The following GPC6 variants were observed in gnomAD, a reference collection of about 807,000 sequenced individuals.
GPC6 encodes glypican 6.
A neutral mutation model predicts 55.2 loss-of-function variants in GPC6; 14 were observed. The observed-to-expected ratio is 0.25, with a 90% CI of 0.17 to 0.40. The LOEUF is 0.40. Ranked by LOEUF, GPC6 falls within the 10% of genes least tolerant of loss-of-function variation. GPC6 has a pLI of 1.00. For missense variants in GPC6, 641 were observed against 708.5 expected (o/e 0.90, Z 1.08); for synonymous variants, 278 against 259.6 (o/e 1.07, Z -0.68).
intron 2 of GPC6, among the ~76,000 whole-genome samples, chr13:93,769,595 T>C (rs1211979091): frequency 6.6e-6 from 1 of 152,174 alleles, no homozygotes; most frequent in East Asian, 1.9e-4. Flanking sequence ...ATTCACCTTA[T>C]TTCTACACTC....
intron 3 of GPC6, among the ~76,000 whole-genome samples, chr13:93,878,326 C>G (rs1874718980): frequency 6.6e-6 from 1 of 151,996 alleles, no homozygotes; most frequent in African/African-American, 2.4e-5. Flanking sequence ...AATTCAGTCC[C>G]TGTAGGTCTT....
chr13:93,511,372 T>C (rs2139385312), intron 1 of GPC6, among the ~76,000 whole-genome samples: 1 of 151,938 alleles, frequency 6.6e-6, no homozygotes, highest in South Asian at 2.1e-4. Flanking sequence ...CAGTGAGAAA[T>C]AGAGGTCTAG....
At chr13:94,017,922 C>T (rs904547614) in intron 3 of GPC6, among the ~76,000 whole-genome samples, 3 of 151,936 alleles carry the variant, frequency 2.0e-5, no homozygotes, top group Admixed American at 6.6e-5. Context: ...GTGATCCACC[C>T]GCCTCAGCCT....
intron 1 of GPC6, among the ~76,000 whole-genome samples, chr13:93,453,605 G>C (rs954047711): frequency 2.2e-5 from 3 of 133,996 alleles, no homozygotes; most frequent in Non-Finnish European, 5.1e-5. Flanking sequence ...CTGATGTTCG[G>C]ATGTGTTCGG....
chr13:93,970,302 A>C (rs537461577), intron 3 of GPC6, among the ~76,000 whole-genome samples: 9 of 152,322 alleles, frequency 5.9e-5, no homozygotes, highest in Admixed American at 3.9e-4. Context: ...ATGAGTATGC[A>C]TAGACAAACA....
intron 6 of GPC6, among the ~76,000 whole-genome samples, chr13:94,320,900 T>G (rs1876787665): frequency 6.6e-6 from 1 of 152,238 alleles, no homozygotes; most frequent in Non-Finnish European, 1.5e-5. Context: ...TCACCAACTC[T>G]GAGTTAAGAT....
At chr13:93,435,317 T>C (rs1177698648) in intron 1 of GPC6, among the ~76,000 whole-genome samples, 2 of 151,998 alleles carry the variant, frequency 1.3e-5, no homozygotes, top group Non-Finnish European at 2.9e-5. Flanking sequence ...ATTTTTGCTG[T>C]GTTGCCCAGG....
At position 94,201,574 on chromosome 13, in the gene GPC6, C is replaced by G. The variant is rs188193023; in HGVS notation, c.878-84775C>G. ...GAGGTATAAATTATGATAAAATTAA[C>G]AAATATATGTCATGATCACCTAAAT... On this transcript the variant is annotated intron_variant, in intron 4 of 8. Transcript: ENST00000377047. Among the ~76,000 whole-genome samples the G allele has an allele frequency of 4.6e-5, 7 of 152,190 alleles. No individual in the cohort carries two copies. In the East Asian group the frequency reaches 1.4e-3, roughly 29 times the overall value.
At chr13:93,892,138 C>T (rs1333958681) in intron 3 of GPC6, among the ~76,000 whole-genome samples, 1 of 151,900 alleles carries the variant, frequency 6.6e-6, no homozygotes, top group African/African-American at 2.4e-5. Context: ...TGTATATGCA[C>T]ATATATAGTG....
At chr13:94,280,727 T>C (rs1892354799) in intron 4 of GPC6, among the ~76,000 whole-genome samples, 1 of 152,196 alleles carries the variant, frequency 6.6e-6, no homozygotes, top group Non-Finnish European at 1.5e-5. Flanking sequence ...GAAAATATCT[T>C]GGTTAAGCTA....
At chr13:93,702,642 A>G (rs1450741083) in intron 2 of GPC6, among the ~76,000 whole-genome samples, 1 of 151,994 alleles carries the variant, frequency 6.6e-6, no homozygotes, top group African/African-American at 2.4e-5. Flanking sequence ...TAGTGTCCCC[A>G]TCTTCATCAA....
At chr13:93,536,280 G>C (rs1882058522) in intron 1 of GPC6, among the ~76,000 whole-genome samples, 1 of 152,150 alleles carries the variant, frequency 6.6e-6, no homozygotes, top group African/African-American at 2.4e-5. Flanking sequence ...TACAGAGTAT[G>C]TTTAATGGCA....
intron 4 of GPC6, among the ~76,000 whole-genome samples, chr13:94,152,341 C>T (rs1010173141): frequency 6.6e-6 from 1 of 152,152 alleles, no homozygotes; most frequent in Non-Finnish European, 1.5e-5. Context: ...GAACCCAATC[C>T]AGTCAATCAT....
chr13:93,358,478 T>C (rs1359199140), intron 1 of GPC6, among the ~76,000 whole-genome samples: 1 of 152,122 alleles, frequency 6.6e-6, no homozygotes, highest in Non-Finnish European at 1.5e-5. Context: ...ATGAGGACAA[T>C]GAGACACAAT....
At chr13:94,076,875 C>T (rs770977923) in intron 4 of GPC6, among the ~76,000 whole-genome samples, 1 of 150,822 alleles carries the variant, frequency 6.6e-6, no homozygotes, top group East Asian at 1.9e-4. Flanking sequence ...GTTTGAATTA[C>T]TGTAGCTTTC....
At chr13:93,880,572 G>A (rs1220855350) in intron 3 of GPC6, among the ~76,000 whole-genome samples, 2 of 152,082 alleles carry the variant, frequency 1.3e-5, no homozygotes, top group Non-Finnish European at 1.5e-5. Flanking sequence ...TGTGGGGTTG[G>A]GGGAGGAGGT....
At chr13:93,929,866 AAGAAG>A (rs1201837929) in intron 3 of GPC6, among the ~76,000 whole-genome samples, 16 of 151,998 alleles carry the variant, frequency 1.1e-4, no homozygotes, top group Non-Finnish European at 1.9e-4. Flanking sequence ...AAGAAAAGAA[AAGAAG>A]AGAAGAGAAA....
intron 1 of GPC6, among the ~76,000 whole-genome samples, chr13:93,293,284 A>G (rs9524000): frequency 0.14 from 21,233 of 152,180 alleles, 1,653 homozygotes; most frequent in East Asian, 0.27. Flanking sequence ...ACCTAACTTA[A>G]AAAAATAACC....
intron 1 of GPC6, among the ~76,000 whole-genome samples, chr13:93,322,819 G>T (rs1232966724): frequency 6.6e-6 from 1 of 151,946 alleles, no homozygotes. Flanking sequence ...TTTAAGTTCT[G>T]GGGTATATGT....
Sources: gnomAD v4.1 joint callset for allele counts (sites outside exome capture counted in the v4.1 genomes callset) on GRCh38, gnomAD v4.1.1 for gene constraint, MANE v1.5 for transcripts, NCBI Gene and HGNC (gene_info 2026-07-23, HGNC 2026-07-21) for gene names.